ASTN2: variants seen among roughly 807,000 people sequenced by gnomAD.
The protein encoded by ASTN2 is astrotactin-2.
Under a neutral mutation model 139.8 loss-of-function variants are expected in ASTN2, and 54 were observed. That is an observed-to-expected ratio of 0.39 (90% CI 0.31 to 0.48). The LOEUF is 0.48. Among genes scored for constraint, ASTN2 ranks in the 20% least tolerant of loss-of-function variants. ASTN2 has a pLI of 0.95. For synonymous variants in ASTN2, 756 were observed against 719.5 expected, an observed-to-expected ratio of 1.05 and a Z score of -0.81; for missense variants, 1,565 against 1,725.1, an observed-to-expected ratio of 0.91 and a Z score of 1.64.
Position 117,141,321 on chromosome 9 carries a change from C to T in ASTN2, c.1168+5G>A, listed in dbSNP as rs1280659280. 1.5e-6 allele frequency: 2 copies of T among 1,366,916 alleles called. No homozygotes were observed. The highest frequency in any genetic ancestry group is 1.1e-5 in the South Asian group (1 of 87,974). 84.7% of individuals were successfully genotyped at this position (1,366,916 alleles called of 1,614,324 possible). ...TTCCTGGCCAGATGTGCCAGGAGGG[C>T]CTACCTCGAGACTTGCTCCTCCGCT... On this transcript the variant is annotated splice_donor_5th_base_variant and intron_variant, in intron 4 of 22. Transcript: ENST00000313400.
intron 19 of ASTN2, among the ~76,000 whole-genome samples, chr9:116,557,223 CAAAAAAAAAAAAAA>C (rs60756690): frequency 9.3e-5 from 5 of 53,596 alleles, no homozygotes; most frequent in Admixed American, 6.3e-4. Flanking sequence ...GACTCTGTCT[CAAAAAAAAAAAAAA>C]AAAAAAAAAA....
At chr9:116,977,686 T>C (rs964204398) in intron 7 of ASTN2, among the ~76,000 whole-genome samples, 5 of 151,518 alleles carry the variant, frequency 3.3e-5, no homozygotes, top group African/African-American at 9.7e-5. Context: ...TCTGCTCTAC[T>C]GTATACTTAA....
chr9:117,270,986 C>T (rs1239967362), intron 2 of ASTN2, among the ~76,000 whole-genome samples: 2 of 152,146 alleles, frequency 1.3e-5, no homozygotes, highest in African/African-American at 2.4e-5. Context: ...TGAACAGATA[C>T]TTTCAAATGG....
chr9:116,429,360 A>AAAG (rs57088669), intron 22 of ASTN2, among the ~76,000 whole-genome samples: 8 of 148,832 alleles, frequency 5.4e-5, no homozygotes, highest in East Asian at 2.0e-4. Flanking sequence ...AAAAAAAAAA[A>AAAG]GTAACCAAGT....
intron 11 of ASTN2, among the ~76,000 whole-genome samples, chr9:116,855,319 G>GCTCCTGATTGAGGAGGTA (rs1554754525): frequency 1.3e-5 from 2 of 151,286 alleles, no homozygotes; most frequent in Non-Finnish European, 2.9e-5. Flanking sequence ...AGATGCAAAT[G>GCTCCTGATTGAGGAGGTA]CTCCTGATTG....
At chr9:117,106,798 C>G (rs1349641007) in intron 4 of ASTN2, among the ~76,000 whole-genome samples, 1 of 152,094 alleles carries the variant, frequency 6.6e-6, no homozygotes, top group Non-Finnish European at 1.5e-5. Flanking sequence ...ATCTGTCTAT[C>G]TATCTATCTA....
chr9:117,223,243 C>T (rs1455050008), intron 2 of ASTN2, among the ~76,000 whole-genome samples: 2 of 151,912 alleles, frequency 1.3e-5, no homozygotes, highest in Non-Finnish European at 2.9e-5. Context: ...GGCAATTTTG[C>T]CCCCCAAGAG....
intron 13 of ASTN2, among the ~76,000 whole-genome samples, chr9:116,740,797 A>C (rs888484334): frequency 3.0e-4 from 45 of 151,046 alleles, no homozygotes; most frequent in African/African-American, 1.1e-3. Flanking sequence ...TACAGGCGTG[A>C]ACCACCGCGC....
intron 10 of ASTN2, among the ~76,000 whole-genome samples, chr9:116,968,551 C>T (rs1836085364): frequency 6.6e-6 from 1 of 152,058 alleles, no homozygotes; most frequent in Non-Finnish European, 1.5e-5. Flanking sequence ...TCCTTCTCTC[C>T]CTTCATCAAC....
chr9:116,649,590 T>A (rs985978005), intron 17 of ASTN2, among the ~76,000 whole-genome samples: 4 of 124,498 alleles, frequency 3.2e-5, no homozygotes, highest in African/African-American at 5.8e-5. Flanking sequence ...AAAAAAAAAA[T>A]CTTTAGGACT....
intron 1 of ASTN2, among the ~76,000 whole-genome samples, chr9:117,408,099 C>T (rs1045788911): frequency 3.3e-5 from 5 of 152,146 alleles, no homozygotes; most frequent in Admixed American, 2.6e-4. Flanking sequence ...GTTGGATACT[C>T]AGGCAGGAAA....
Position 117,379,146 on chromosome 9 carries a change from A to T in ASTN2, c.442+35351T>A, listed in dbSNP as rs546824241. Among the ~76,000 whole-genome samples the T allele has an allele frequency of 3.3e-5, 5 of 152,252 alleles. 1 individual carries two copies. Among genetic ancestry groups the T allele is most frequent in the Admixed American group, 2.6e-4 (4 of 15,280 alleles). ...AACCTCTTTTATTTATAAATTACCCAGCCTTTGGGGTACTTCTTTATATCC... is the reference window on the plus strand; with the variant it reads ...AACCTCTTTTATTTATAAATTACCCTGCCTTTGGGGTACTTCTTTATATCC... On this transcript the variant is annotated intron_variant, in intron 1 of 22. Coordinates refer to ENST00000313400, the MANE Select transcript of ASTN2 (RefSeq NM_001365068.1).
intron 19 of ASTN2, among the ~76,000 whole-genome samples, chr9:116,522,762 A>G (rs973089528): frequency 6.6e-6 from 1 of 152,152 alleles, no homozygotes; most frequent in Non-Finnish European, 1.5e-5. Flanking sequence ...GATTACTTCC[A>G]TTGTACAGAT....
At chr9:117,041,876 C>T (rs909136665) in intron 5 of ASTN2, among the ~76,000 whole-genome samples, 3 of 152,136 alleles carry the variant, frequency 2.0e-5, no homozygotes, top group Admixed American at 1.3e-4. Flanking sequence ...CTCTTTGAGA[C>T]TCACCATATA....
intron 22 of ASTN2, among the ~76,000 whole-genome samples, chr9:116,433,901 T>C (rs188956386): frequency 6.6e-6 from 1 of 152,346 alleles, no homozygotes; most frequent in East Asian, 1.9e-4. Flanking sequence ...CATAAGACTT[T>C]TCAAAAATGT....
chr9:116,973,550 A>G (rs2132522327), intron 10 of ASTN2, among the ~76,000 whole-genome samples: 1 of 152,326 alleles, frequency 6.6e-6, no homozygotes, highest in East Asian at 1.9e-4. Context: ...TGTCAACAGG[A>G]CAGAACTATG....
At chr9:117,357,674 T>C (rs1829579888) in intron 1 of ASTN2, among the ~76,000 whole-genome samples, 1 of 152,152 alleles carries the variant, frequency 6.6e-6, no homozygotes, top group East Asian at 1.9e-4. Context: ...CCACAGGAGA[T>C]TGGAATTAAT....
intron 1 of ASTN2, among the ~76,000 whole-genome samples, chr9:117,307,656 G>C (rs545167062): frequency 6.6e-6 from 1 of 152,296 alleles, no homozygotes; most frequent in East Asian, 1.9e-4. Context: ...ACACAGGTAG[G>C]CACATGGCCA....
intron 2 of ASTN2, among the ~76,000 whole-genome samples, chr9:117,237,460 C>G (rs1051204326): frequency 1.3e-5 from 2 of 152,030 alleles, no homozygotes; most frequent in East Asian, 1.9e-4. Context: ...GTGTATTATT[C>G]AAGAACCCAA....
Sources: gnomAD v4.1 joint callset for allele counts (sites outside exome capture counted in the v4.1 genomes callset) on GRCh38, gnomAD v4.1.1 for gene constraint, MANE v1.5 for transcripts, NCBI Gene and HGNC (gene_info 2026-07-23, HGNC 2026-07-21) for gene names.